SPPL2A: variants seen among roughly 807,000 people sequenced by gnomAD.
SPPL2A encodes signal peptide peptidase-like 2A.
SPPL2A carries 51 observed loss-of-function variants against 63.8 expected under a neutral mutation model. The ratio of observed to expected loss-of-function variants is 0.80; its 90% CI spans 0.64 to 1.01. The LOEUF (loss-of-function observed/expected upper bound fraction) is 1.01, where lower values mean the gene tolerates loss of function less well. Ranked by LOEUF, SPPL2A falls within the 50% of genes least tolerant of loss-of-function variation. The pLI, the probability that SPPL2A is intolerant of heterozygous loss-of-function variation, is 0.00. For missense variants in SPPL2A, 553 were observed against 622.7 expected (o/e 0.89, Z 1.19); for synonymous variants, 188 against 205.8 (o/e 0.91, Z 0.74).
chr15:50,765,483 G>A lies in SPPL2A; in HGVS notation c.51C>T (p.Gly17=). The A allele has an allele frequency of 6.6e-7, 1 of 1,503,776 alleles. No individual in the cohort carries two copies. The highest frequency in any genetic ancestry group is 8.8e-7 in the Non-Finnish European group (1 of 1,133,834). 93.2% of individuals were successfully genotyped at this position (1,503,776 alleles called of 1,614,324 possible). ...LSPAGAALLW[G]FLLQLTAAQE... is the part of the protein sequence containing the mutation. ...GCCCCCTTACCAGCTGGAGCAGGAA[G>A]CCCCAGAGTAGGGCGGCCCCGGCAG... Residue 17 remains glycine (G), a synonymous_variant, in exon 1 of 15, where the codon GGC becomes GGT. Coordinates refer to ENST00000261854, the MANE Select transcript of SPPL2A (RefSeq NM_032802.4).
intron 5 of SPPL2A, among the ~76,000 whole-genome samples, chr15:50,742,346 C>T (rs143769470): frequency 0.014 from 2,109 of 151,818 alleles, 39 homozygotes; most frequent in African/African-American, 0.048. Flanking sequence ...GCCAAGATCG[C>T]GCCATTGCAC....
At chr15:50,720,248 G>A in intron 13 of SPPL2A, 148 bp from the exon 14 acceptor site, 1 of 597,618 alleles carries the variant, frequency 1.7e-6, no homozygotes, top group Non-Finnish European at 2.8e-6. Context: ...TCCTAGATAG[G>A]ATTAGGAGAC....
intron 8 of SPPL2A, among the ~76,000 whole-genome samples, chr15:50,734,053 AT>A: frequency 6.6e-6 from 1 of 152,278 alleles, no homozygotes; most frequent in Admixed American, 6.5e-5. Flanking sequence ...GGGAATGTAA[AT>A]TACCACAGCC....
At chr15:50,759,476 G>A (rs2062990069) in intron 1 of SPPL2A, among the ~76,000 whole-genome samples, 1 of 152,092 alleles carries the variant, frequency 6.6e-6, no homozygotes, top group Non-Finnish European at 1.5e-5. Context: ...AGGCGCAGTG[G>A]CTCACGCCTG....
At position 50,729,996 on chromosome 15, in the gene SPPL2A, T is replaced by TTAAAAAAAAA. The variant is rs531620467; in HGVS notation, c.1089+968_1089+969insTTTTTTTTTA. Among the ~76,000 whole-genome samples the TTAAAAAAAAA allele has an allele frequency of 2.0e-5, 3 of 146,938 alleles. No individual in the cohort carries two copies. In the East Asian group the frequency reaches 6.1e-4, roughly 30 times the overall value. On this transcript the variant is annotated intron_variant, in intron 10 of 14. Coordinates refer to ENST00000261854, the MANE Select transcript of SPPL2A (RefSeq NM_032802.4). ...ACTTCAGCCTCAAGACTCGGCCTTTTAAAAAAAAAGAAGGAATGATAAATA... is the reference window on the plus strand; with the variant it reads ...ACTTCAGCCTCAAGACTCGGCCTTTTTAAAAAAAAAAAAAAAAAAGAAGGAATGATAAATA...
At chr15:50,755,522 G>A (rs1408462961) in intron 1 of SPPL2A, among the ~76,000 whole-genome samples, 2 of 150,016 alleles carry the variant, frequency 1.3e-5, no homozygotes, top group Non-Finnish European at 3.0e-5. Flanking sequence ...TCCAGAGGCT[G>A]AGGTGAAAGG....
Position 50,703,341 on chromosome 15 carries a change from TATATACATATA to T in SPPL2A, c.*4448_*4458del, listed in dbSNP as rs2062488644. On this transcript the variant is annotated 3_prime_UTR_variant, in exon 15 of 15. Coordinates refer to ENST00000261854, the MANE Select transcript of SPPL2A (RefSeq NM_032802.4). The stretch of plus-strand genomic sequence containing the variant: ...TCATATATACATATATATATATATA[TATATACATATA>T]TATATTTTTTTTTTTTTTTTTTTTT... 2.3e-5 allele frequency: 2 copies of T among 88,656 alleles called. No individual in the cohort carries two copies. Among genetic ancestry groups the T allele is most frequent in the Non-Finnish European group, 4.6e-5 (2 of 43,332 alleles). The allele number at this position is 88,656 out of a possible 1,614,324, so 5.5% of individuals were successfully genotyped here. A position where few individuals can be genotyped will look rare whatever the true frequency, so the allele number is the denominator to read the frequency against.
rs1237571345 is a variant in SPPL2A, at chr15:50,749,689, A to G, written c.124T>C (p.Cys42Arg). Residue 42 changes from cysteine (C) to arginine (R), a missense_variant, in exon 2 of 15, where the codon TGC (cysteine) becomes CGC (arginine). Cys to Arg is a radical substitution (Grantham distance 180, BLOSUM62 -3). Transcript: ENST00000261854. ...GTCCAATAAGGGTTATAAAGCATGC[A>G]GTAGTCCTTGGTTGTGCCATTTCCA... Reference protein sequence around the residue: ...ASGNGTTKDYCMLYNPYWTAL... With the variant: ...ASGNGTTKDYRMLYNPYWTAL... 1 of 1,613,726 alleles carries G rather than the reference A, an allele frequency of 6.2e-7. No individual in the cohort carries two copies. The highest frequency in any genetic ancestry group is 1.3e-5 in the African/African-American group (1 of 75,046).
rs986706111 is a variant in SPPL2A at position 50,702,358 on chromosome 15, T to C, written c.*5442A>G. On this transcript the variant is annotated 3_prime_UTR_variant, in exon 15 of 15. Coordinates refer to ENST00000261854, the MANE Select transcript of SPPL2A (RefSeq NM_032802.4). Reference sequence around the variant, plus strand: ...TCAGTATTGGCACATAATGATAAAGTACTGCTAAATTAACACTTCAAAAAT... The same window carrying C: ...TCAGTATTGGCACATAATGATAAAGCACTGCTAAATTAACACTTCAAAAAT... 6.6e-6 allele frequency: 1 copy of C among 152,188 alleles called. No individual in the cohort carries two copies. Among genetic ancestry groups the C allele is most frequent in the African/African-American group, 2.4e-5 (1 of 41,462 alleles). 9.4% of individuals were successfully genotyped at this position (152,188 alleles called of 1,614,324 possible). A position where few individuals can be genotyped will look rare whatever the true frequency, so the allele number is the denominator to read the frequency against.
At chr15:50,761,664 G>A (rs1042973186) in intron 1 of SPPL2A, among the ~76,000 whole-genome samples, 4 of 152,060 alleles carry the variant, frequency 2.6e-5, no homozygotes, top group South Asian at 2.1e-4. Context: ...GGCCAAGAGC[G>A]GTGGCTCACG....
Position 50,748,801 on chromosome 15 carries a change from T to A in SPPL2A, c.247A>T (p.Ile83Leu). Residue 83 changes from isoleucine (I) to leucine (L), a missense_variant, in exon 3 of 15, where the codon ATA (isoleucine) becomes TTA (leucine). Transcript: ENST00000261854. ...CNLSDIPPVG[I>L]KSKAVVVPWG... Reference sequence around the variant, plus strand: ...GGAACCACAACTGCTTTGCTCTTTATGCCAACAGGAGGAATATCAGAAAGG... The same window carrying A: ...GGAACCACAACTGCTTTGCTCTTTAAGCCAACAGGAGGAATATCAGAAAGG... The A allele has an allele frequency of 6.2e-7, 1 of 1,612,422 alleles. No individual in the cohort carries two copies. Among genetic ancestry groups the A allele is most frequent in the East Asian group, 2.2e-5 (1 of 44,736 alleles).
intron 14 of SPPL2A, among the ~76,000 whole-genome samples, chr15:50,714,532 G>C (rs2062584740): frequency 6.6e-6 from 1 of 151,850 alleles, no homozygotes; most frequent in African/African-American, 2.4e-5. Context: ...TTGGGAGGCT[G>C]AGGCAGGAGA....
chr15:50,705,340 CAAAAAAAA>C lies in SPPL2A; in HGVS notation c.*2452_*2459del, dbSNP rs5812525. ...GGGTGACAGAGGGAGACTCCATTTC[CAAAAAAAA>C]AAAAAAGAAATTAATTATCTCATTT... is the stretch of plus-strand genomic sequence containing the variant. On this transcript the variant is annotated 3_prime_UTR_variant, in exon 15 of 15. Transcript: ENST00000261854. 2 of 129,304 alleles carry C rather than the reference CAAAAAAAA, an allele frequency of 1.5e-5. No homozygotes were observed. Among genetic ancestry groups the C allele is most frequent in the South Asian group, 4.8e-4 (2 of 4,198 alleles). 8.0% of individuals were successfully genotyped at this position (129,304 alleles called of 1,614,324 possible). A position where few individuals can be genotyped will look rare whatever the true frequency, so the allele number is the denominator to read the frequency against.
chr15:50,732,333 G>GA (rs11407403), intron 9 of SPPL2A, among the ~76,000 whole-genome samples: 149,164 of 150,930 alleles, frequency 0.99, 73,713 homozygotes, highest in African/African-American at 0.99. Context: ...ATAAAAGAAA[G>GA]AAAAAAAAAC....
chr15:50,764,441 C>G (rs1389676209), intron 1 of SPPL2A: 3 of 152,164 alleles, frequency 2.0e-5, no homozygotes, highest in Admixed American at 6.5e-5. Context: ...AAGGCACTTA[C>G]TTTTTGGCTT....
At chr15:50,711,594 G>C (rs183735032) in intron 14 of SPPL2A, among the ~76,000 whole-genome samples, 1 of 152,124 alleles carries the variant, frequency 6.6e-6, no homozygotes, top group African/African-American at 2.4e-5. Context: ...TGAAAGACTC[G>C]AAGTAAGATC....
intron 11 of SPPL2A, among the ~76,000 whole-genome samples, chr15:50,725,739 C>A (rs77367895): frequency 1.1e-4 from 16 of 152,124 alleles, no homozygotes; most frequent in Admixed American, 4.6e-4. Context: ...CCACCCATAT[C>A]TTCTAGAAAT....
At chr15:50,720,201 T>A in intron 13 of SPPL2A, 101 bp from the exon 14 acceptor site, 1 of 896,744 alleles carries the variant, frequency 1.1e-6, no homozygotes, top group Non-Finnish European at 1.7e-6. Context: ...TTTCTGAGGA[T>A]ATTTTTGCTC....
At chr15:50,748,542 A>G in intron 3 of SPPL2A, 146 bp downstream of exon 3, 1 of 603,136 alleles carries the variant, frequency 1.7e-6, no homozygotes, top group East Asian at 3.0e-5. Context: ...AATGCCTATT[A>G]GATCTTGATT....
Sources: gnomAD v4.1 joint callset for allele counts (sites outside exome capture counted in the v4.1 genomes callset) on GRCh38, gnomAD v4.1.1 for gene constraint, MANE v1.5 for transcripts, NCBI Gene and HGNC (gene_info 2026-07-23, HGNC 2026-07-21) for gene names.